The following CECR2 variants were observed in gnomAD, a reference collection of about 807,000 sequenced individuals.
CECR2 encodes the protein chromatin remodeling regulator CECR2.
In CECR2, 30 loss-of-function variants were observed where a neutral mutation model predicts 154.5. That is an observed-to-expected ratio of 0.19 (90% CI 0.15 to 0.26). CECR2 has a LOEUF of 0.26. Among genes scored for constraint, CECR2 ranks in the 10% least tolerant of loss-of-function variants. CECR2 has a pLI of 1.00. For missense variants in CECR2, 1,743 were observed against 1,829.3 expected, an observed-to-expected ratio of 0.95 and a Z score of 0.86; for synonymous variants, 725 against 683.7, an observed-to-expected ratio of 1.06 and a Z score of -0.94.
intron 1 of CECR2, among the ~76,000 whole-genome samples, chr22:17,379,163 G>A (rs188023932): frequency 1.3e-5 from 2 of 152,172 alleles, no homozygotes; most frequent in East Asian, 1.9e-4. Context: ...CACCATCTTG[G>A]TCAGGCTGGT....
In CECR2 at chr22:17,498,680, G is replaced by T. The variant is rs1203994174; in HGVS notation, c.406-730G>T. Among the ~76,000 whole-genome samples, 9 of 152,306 alleles carry T rather than the reference G, an allele frequency of 5.9e-5. 1 individual carries two copies. The East Asian group carries it at 1.7e-3, about 29-fold the overall frequency. On this transcript the variant is annotated intron_variant, in intron 3 of 18. Coordinates refer to ENST00000262608, the MANE Select transcript of CECR2 (RefSeq NM_001290047.2). ...CAGCTGGAGTGAGAGGTCACAGGAG[G>T]TTATGCCGGAACTGCCACAGAGGAT...
intron 9 of CECR2, among the ~76,000 whole-genome samples, chr22:17,526,146 GA>G (rs149419980): frequency 1.3e-5 from 2 of 150,864 alleles, no homozygotes; most frequent in African/African-American, 4.9e-5. Context: ...CACAAAAATA[GA>G]AAAAAAAATC....
chr22:17,462,555 G>T (rs1369907791), intron 1 of CECR2, among the ~76,000 whole-genome samples: 1 of 152,136 alleles, frequency 6.6e-6, no homozygotes, highest in African/African-American at 2.4e-5. Flanking sequence ...TTGGGCAGAG[G>T]TTTAGTCTGT....
At chr22:17,431,417 A>G (rs28375940) in intron 1 of CECR2, among the ~76,000 whole-genome samples, 5,251 of 152,304 alleles carry the variant, frequency 0.034, 315 homozygotes, top group African/African-American at 0.12. Context: ...AAGTTATTGT[A>G]CATACATGTT....
chr22:17,383,658 T>TG (rs1491188665), intron 1 of CECR2, among the ~76,000 whole-genome samples: 3 of 28,440 alleles, frequency 1.1e-4, no homozygotes, highest in Non-Finnish European at 1.7e-4. Flanking sequence ...TCAGGTCCAC[T>TG]TTTTTTTTTT....
In CECR2 at chr22:17,504,968, C is replaced by T. The variant is rs2055811778; in HGVS notation, c.822C>T (p.Leu274=). The T allele has an allele frequency of 3.1e-6, 5 of 1,613,598 alleles. No homozygotes were observed. The highest frequency in any genetic ancestry group is 4.5e-5 in the East Asian group (2 of 44,874). The stretch of plus-strand genomic sequence containing the variant: ...TTCGAGAACGGCAGCTCTACAAGCT[C>T]CTCAGTGAGGACTTCCTGCCTGAGA... ...TSLRERQLYK[L]LSEDFLPEIC... is the part of the protein sequence containing the mutation. The change falls in exon 7 of 19, where the codon CTC becomes CTT. Residue 274 remains leucine, a synonymous_variant. Transcript: ENST00000262608.
Position 17,405,554 on chromosome 22 carries a change from C to T in CECR2, c.126+35645C>T, listed in dbSNP as rs1217928372. Among the ~76,000 whole-genome samples the T allele has an allele frequency of 3.4e-5, 5 of 147,798 alleles. No homozygotes were observed. The South Asian group carries it at 6.4e-4, about 19-fold the overall frequency. On this transcript the variant is annotated intron_variant, in intron 1 of 18. Coordinates refer to ENST00000262608, the MANE Select transcript of CECR2 (RefSeq NM_001290047.2). The stretch of plus-strand genomic sequence containing the variant: ...ACTCCAGAGGCTGAGGCAGGAGAAT[C>T]GCTTGAACCTAGGAGGCAGAGGTTG...
chr22:17,549,131 A>C lies in CECR2; in HGVS notation c.3844A>C (p.Lys1282Gln). 1 of 1,614,014 alleles carries C rather than the reference A, an allele frequency of 6.2e-7. No homozygotes were observed. The highest frequency in any genetic ancestry group is 8.5e-7 in the Non-Finnish European group (1 of 1,179,884). ...GCAGAATCCTGGTCCAGAGGAAGAG[A>C]AGCTGGATGAATCTATGGAGAGGCC... Reference protein sequence around the residue: ...DGQNPGPEEEKLDESMERPES... With the variant: ...DGQNPGPEEEQLDESMERPES... The change falls in exon 17 of 19, where the codon AAG becomes CAG. Residue 1282 changes from lysine (K) to glutamine (Q), a missense_variant. This residue lies in a region of CECR2 where 1,250 missense variants were observed against 1,192.1 expected (regional missense o/e 1.05). Transcript: ENST00000262608.
chr22:17,376,515 G>C (rs1464709367), intron 1 of CECR2, among the ~76,000 whole-genome samples: 1 of 152,042 alleles, frequency 6.6e-6, no homozygotes, highest in African/African-American at 2.4e-5. Flanking sequence ...GCGCTTGGCA[G>C]AGTGCGGAAA....
chr22:17,498,250 G>T (rs1347999297), intron 3 of CECR2, among the ~76,000 whole-genome samples: 2 of 152,146 alleles, frequency 1.3e-5, no homozygotes, highest in African/African-American at 2.4e-5. Context: ...AATTAGCCGG[G>T]CGTGGTGGCA....
intron 2 of CECR2, among the ~76,000 whole-genome samples, chr22:17,490,145 T>C (rs199570402): frequency 2.1e-5 from 2 of 94,456 alleles, no homozygotes; most frequent in East Asian, 9.1e-4. Context: ...ACTGTTTTTT[T>C]TTTGTGTGTG....
intron 1 of CECR2, among the ~76,000 whole-genome samples, chr22:17,397,647 G>A (rs1284192369): frequency 2.0e-5 from 3 of 151,970 alleles, no homozygotes; most frequent in East Asian, 1.9e-4. Flanking sequence ...ACAGGCGCCC[G>A]CCACCACGCT....
chr22:17,474,653 G>A (rs2055180204), intron 1 of CECR2, among the ~76,000 whole-genome samples: 2 of 152,226 alleles, frequency 1.3e-5, no homozygotes, highest in African/African-American at 4.8e-5. Flanking sequence ...AGCCAGAAGA[G>A]GATGTCTGTG....
In CECR2 at chr22:17,548,372, A is replaced by G. The variant is rs781063230; in HGVS notation, c.3085A>G (p.Ser1029Gly). ...MKGKNPWPSDSSYPGPAAQGC... is the reference protein window; with the variant it reads ...MKGKNPWPSDGSYPGPAAQGC... ...GGGCAAGAATCCCTGGCCCTCGGATAGCAGCTACCCCGGCCCAGCCGCCCA... is the reference window on the plus strand; with the variant it reads ...GGGCAAGAATCCCTGGCCCTCGGATGGCAGCTACCCCGGCCCAGCCGCCCA... The change falls in exon 17 of 19, where the codon AGC becomes GGC. Residue 1029 changes from serine to glycine, a missense_variant. Physicochemically the swap from Ser to Gly is moderately conservative, Grantham distance 56. Coordinates refer to ENST00000262608, the MANE Select transcript of CECR2 (RefSeq NM_001290047.2). 18 of 1,613,328 alleles carry G rather than the reference A, an allele frequency of 1.1e-5. No individual in the cohort carries two copies. Among genetic ancestry groups the G allele is most frequent in the Non-Finnish European group, 1.4e-5 (17 of 1,179,550 alleles).
intron 1 of CECR2, among the ~76,000 whole-genome samples, chr22:17,370,282 T>C (rs1270579984): frequency 2.8e-5 from 4 of 145,412 alleles, no homozygotes; most frequent in South Asian, 2.1e-4. Flanking sequence ...CCCGGTGCCA[T>C]TGAGGCGCGA....
chr22:17,543,362 G>T (rs889184540), intron 16 of CECR2, among the ~76,000 whole-genome samples: 2 of 151,316 alleles, frequency 1.3e-5, no homozygotes, highest in Admixed American at 6.6e-5. Flanking sequence ...TCTCAATCTC[G>T]TGACCTTGTG....
chr22:17,528,627 T>G (rs1329471485), intron 9 of CECR2, among the ~76,000 whole-genome samples: 1 of 152,078 alleles, frequency 6.6e-6, no homozygotes, highest in Non-Finnish European at 1.5e-5. Flanking sequence ...CCTCCACTTC[T>G]CAGGTTCAAG....
chr22:17,510,381 G>T, intron 7 of CECR2, among the ~76,000 whole-genome samples: 1 of 152,022 alleles, frequency 6.6e-6, no homozygotes, highest in East Asian at 1.9e-4. Flanking sequence ...AAGGTGGTAC[G>T]ATTGTTTGAG....
rs1333909114 is a variant in CECR2 at position 17,551,695 on chromosome 22, G to A, written c.4278-336G>A. Reference sequence around the variant, plus strand: ...GCATGGTAGCACACACTACTCAGGAGGGTGAGGCAGGAGGAGCACTTGAGC... The same window carrying A: ...GCATGGTAGCACACACTACTCAGGAAGGTGAGGCAGGAGGAGCACTTGAGC... On this transcript the variant is annotated intron_variant, in intron 17 of 18. Coordinates refer to ENST00000262608, the MANE Select transcript of CECR2 (RefSeq NM_001290047.2). Among the ~76,000 whole-genome samples the A allele has an allele frequency of 2.6e-5, 4 of 152,152 alleles. No homozygotes were observed. In the East Asian group the frequency reaches 7.7e-4, roughly 29 times the overall value.
Sources: allele counts gnomAD v4.1 joint callset (sites outside exome capture counted in the v4.1 genomes callset), GRCh38; gene constraint gnomAD v4.1.1; regional missense constraint gnomAD v4.1.1; transcripts MANE v1.5; gene names NCBI Gene and HGNC (gene_info 2026-07-23, HGNC 2026-07-21).